PIGL: variants seen among roughly 807,000 people sequenced by gnomAD.
PIGL encodes N-acetylglucosaminyl-phosphatidylinositol de-N-acetylase.
Under a neutral mutation model 31.1 loss-of-function variants are expected in PIGL, and 22 were observed. That is an observed-to-expected ratio of 0.71 (90% CI 0.51 to 1.01). The LOEUF is 1.01. Ranked by LOEUF, PIGL falls within the 50% of genes least tolerant of loss-of-function variation. The probability of loss-of-function intolerance (pLI) is 0.00; values close to 1 mark genes in which losing one functional copy is unlikely to be tolerated. For missense variants in PIGL, 302 were observed against 315.9 expected, an observed-to-expected ratio of 0.96 and a Z score of 0.33; for synonymous variants, 131 against 117.4, an observed-to-expected ratio of 1.12 and a Z score of -0.75.
chr17:16,315,708 CTTTTTT>C (rs1157169209), intron 4 of PIGL, among the ~76,000 whole-genome samples: 21 of 59,008 alleles, frequency 3.6e-4, no homozygotes, highest in South Asian at 2.1e-3. Context: ...TTCTTTCTTT[CTTTTTT>C]TTTTTTTTTT....
intron 2 of PIGL, among the ~76,000 whole-genome samples, chr17:16,236,352 C>G (rs2092699743): frequency 1.3e-5 from 2 of 152,140 alleles, no homozygotes. Context: ...CAGAGAGTCT[C>G]TCCATGTTGG....
At chr17:16,251,422 CAAA>C (rs34657944) in intron 2 of PIGL, among the ~76,000 whole-genome samples, 14 of 126,304 alleles carry the variant, frequency 1.1e-4, no homozygotes, top group Non-Finnish European at 1.0e-4. Flanking sequence ...GACTCTGTCT[CAAA>C]AAAAAAAAAA....
intron 2 of PIGL, among the ~76,000 whole-genome samples, chr17:16,278,257 T>C: frequency 6.6e-6 from 1 of 152,182 alleles, no homozygotes; most frequent in South Asian, 2.1e-4. Context: ...GGTTTCGCCA[T>C]GTTGGCCAGG....
intron 3 of PIGL, among the ~76,000 whole-genome samples, chr17:16,309,452 T>C (rs2093039193): frequency 6.6e-6 from 1 of 152,200 alleles, no homozygotes; most frequent in Non-Finnish European, 1.5e-5. Flanking sequence ...AAAACAGTAA[T>C]CTGGTTCAGG....
chr17:16,319,529 C>T (rs1160948502), intron 6 of PIGL, among the ~76,000 whole-genome samples: 1 of 152,096 alleles, frequency 6.6e-6, no homozygotes, highest in Non-Finnish European at 1.5e-5. Flanking sequence ...CCGAGACAGG[C>T]AGATTGTCTG....
chr17:16,235,986 A>G (rs981543923), intron 2 of PIGL, among the ~76,000 whole-genome samples: 6 of 152,252 alleles, frequency 3.9e-5, no homozygotes, highest in African/African-American at 1.2e-4. Flanking sequence ...TGCCTGAATC[A>G]TTAATTACCT....
chr17:16,255,660 A>G lies in PIGL; in HGVS notation c.335+21590A>G, dbSNP rs139747882. Among the ~76,000 whole-genome samples the G allele has an allele frequency of 2.0e-4, 30 of 152,212 alleles. 1 individual carries two copies. The highest frequency in any genetic ancestry group is 7.0e-4 in the African/African-American group (29 of 41,474). On this transcript the variant is annotated intron_variant, in intron 2 of 6. Transcript: ENST00000225609. ...GTGAGAGCCTTCCCCTTACAAAAAA[A>G]CAAAAAAGACCATAGCTTGCTGCCA...
chr17:16,259,898 A>G (rs2092812160), intron 2 of PIGL, among the ~76,000 whole-genome samples: 1 of 152,192 alleles, frequency 6.6e-6, no homozygotes, highest in Non-Finnish European at 1.5e-5. Context: ...TGACTCAGGA[A>G]GCCCCCTGCC....
At chr17:16,237,190 G>A (rs7219980) in intron 2 of PIGL, among the ~76,000 whole-genome samples, 6,946 of 139,220 alleles carry the variant, frequency 0.05, 197 homozygotes, top group African/African-American at 0.091. Context: ...TCACTGCAAC[G>A]TCCGCCACCT....
intron 2 of PIGL, among the ~76,000 whole-genome samples, chr17:16,279,987 A>T (rs1197933580): frequency 1.3e-5 from 2 of 152,198 alleles, no homozygotes; most frequent in Non-Finnish European, 2.9e-5. Flanking sequence ...AGACCCTCTT[A>T]TGGTCTTGAC....
At chr17:16,307,849 T>C (rs2142850723) in intron 3 of PIGL, among the ~76,000 whole-genome samples, 1 of 151,324 alleles carries the variant, frequency 6.6e-6, no homozygotes, top group Admixed American at 6.6e-5. Flanking sequence ...CACGTGCCTA[T>C]AGTCTCAGCT....
intron 2 of PIGL, among the ~76,000 whole-genome samples, chr17:16,242,553 T>C (rs1321205271): frequency 6.6e-6 from 1 of 152,050 alleles, no homozygotes; most frequent in African/African-American, 2.4e-5. Context: ...CAGTTTTAAC[T>C]TGATTCCCTA....
chr17:16,289,062 C>CT, intron 2 of PIGL, among the ~76,000 whole-genome samples: 1 of 151,728 alleles, frequency 6.6e-6, no homozygotes, highest in Non-Finnish European at 1.5e-5. Context: ...TATTTCAGAG[C>CT]TTGTCTTTTA....
chr17:16,317,221 CG>C, intron 5 of PIGL: 1 of 1,005,144 alleles, frequency 9.9e-7, no homozygotes, highest in Non-Finnish European at 1.2e-6. Context: ...TGAATGAAAA[CG>C]TAAGTAGTTT....
chr17:16,312,100 C>A (rs1426662824), intron 3 of PIGL, among the ~76,000 whole-genome samples: 1 of 142,530 alleles, frequency 7.0e-6, no homozygotes, highest in Non-Finnish European at 1.5e-5. Flanking sequence ...CCCCCCACCT[C>A]CCTCCCGGAG....
intron 1 of PIGL, among the ~76,000 whole-genome samples, chr17:16,229,851 A>G (rs1002578747): frequency 4.3e-5 from 6 of 138,032 alleles, no homozygotes; most frequent in African/African-American, 1.6e-4. Context: ...TTCATTTTAA[A>G]GTCATGATTT....
At chr17:16,310,145 T>C (rs1253386156) in intron 3 of PIGL, among the ~76,000 whole-genome samples, 1 of 151,990 alleles carries the variant, frequency 6.6e-6, no homozygotes, top group African/African-American at 2.4e-5. Flanking sequence ...TAGAAGACTT[T>C]CTTGAATTAT....
At chr17:16,217,573 C>A in intron 1 of PIGL, 112 bp downstream of exon 1, 1 of 823,546 alleles carries the variant, frequency 1.2e-6, no homozygotes. Context: ...TAAGTGAATA[C>A]ACCGAAGGTC....
At chr17:16,281,982 G>T in intron 2 of PIGL, 1 of 489,312 alleles carries the variant, frequency 2.0e-6, no homozygotes, top group Admixed American at 2.1e-5. Context: ...CAATGGAAGG[G>T]GGGCGACAGC....
Sources: gnomAD v4.1 joint callset for allele counts (sites outside exome capture counted in the v4.1 genomes callset) on GRCh38, gnomAD v4.1.1 for gene constraint, MANE v1.5 for transcripts, NCBI Gene and HGNC (gene_info 2026-07-23, HGNC 2026-07-21) for gene names.